Variants in TARBP1 observed in about 807,000 individuals in gnomAD.
TARBP1 encodes the protein tRNA (guanosine(18)-2'-O)-methyltransferase TARBP1.
Under a neutral mutation model 178.6 loss-of-function variants are expected in TARBP1, and 144 were observed. The ratio of observed to expected loss-of-function variants is 0.81; its 90% CI spans 0.70 to 0.93. The LOEUF (loss-of-function observed/expected upper bound fraction) is 0.93. TARBP1 is among the 40% of genes least tolerant of loss of function. The pLI is 0.00. For synonymous variants in TARBP1, 787 were observed against 781.0 expected, an observed-to-expected ratio of 1.01 and a Z score of -0.13; for missense variants, 2,067 against 2,011.7, an observed-to-expected ratio of 1.03 and a Z score of -0.53.
Position 234,410,082 on chromosome 1 carries a change from G to A in TARBP1, c.3792+363C>T, listed in dbSNP as rs538857863. On this transcript the variant is annotated intron_variant, in intron 23 of 29. Coordinates refer to ENST00000040877, the MANE Select transcript of TARBP1 (RefSeq NM_005646.4). ...CATAAGTTTCTTTGCACGAGCATTT[G>A]TTAAATAACTACCATTCAGTCAAAG... 1.1e-4 allele frequency among the ~76,000 whole-genome samples: 16 copies of A among 152,268 alleles called. 1 individual carries two copies. In the South Asian group the frequency reaches 3.1e-3, roughly 30 times the overall value.
intron 17 of TARBP1, 68 bp from the exon 18 acceptor site, chr1:234,427,834 T>C: frequency 2.6e-6 from 3 of 1,146,862 alleles, no homozygotes; most frequent in Non-Finnish European, 3.5e-6. Flanking sequence ...TGCTAAAAAC[T>C]GTTACTTAGT....
intron 1 of TARBP1, among the ~76,000 whole-genome samples, chr1:234,476,684 A>G (rs1669598976): frequency 6.6e-6 from 1 of 152,246 alleles, no homozygotes; most frequent in South Asian, 2.1e-4. Flanking sequence ...AGCAGCATTT[A>G]CAGTCATAAT....
chr1:234,392,362 C>A (rs1449423066), intron 29 of TARBP1, 54 bp downstream of exon 29: 13 of 1,581,714 alleles, frequency 8.2e-6, no homozygotes, highest in Admixed American at 1.9e-5. Flanking sequence ...AAGGTAACAT[C>A]TTCCAGTAGT....
intron 26 of TARBP1, among the ~76,000 whole-genome samples, chr1:234,395,947 G>A (rs1008851610): frequency 1.3e-5 from 2 of 152,130 alleles, no homozygotes; most frequent in African/African-American, 2.4e-5. Context: ...AAACGTGAGA[G>A]GTGACAGATA....
At position 234,465,703 on chromosome 1, in the gene TARBP1, A is replaced by G. The variant is rs1668362136; in HGVS notation, c.1254T>C (p.Ile418=). 1 of 1,536,038 alleles carries G rather than the reference A, an allele frequency of 6.5e-7. No individual in the cohort carries two copies. Among genetic ancestry groups the G allele is most frequent in the Admixed American group, 2.2e-5 (1 of 44,836 alleles). The change falls in exon 5 of 30, where the codon ATT becomes ATC. Residue 418 remains isoleucine, a synonymous_variant. Transcript: ENST00000040877. ...LPFSPEFSEF[I]IGPLMDALSE... is the part of the protein sequence containing the mutation. ...AAAGCGCATCCATTAATGGTCCAATAATAAACTAAAAAAAAAAAAAAAAAA... is the reference window on the plus strand; with the variant it reads ...AAAGCGCATCCATTAATGGTCCAATGATAAACTAAAAAAAAAAAAAAAAAA...
chr1:234,447,780 G>GTTT (rs1381517534), intron 11 of TARBP1, among the ~76,000 whole-genome samples: 2 of 146,926 alleles, frequency 1.4e-5, no homozygotes, highest in Non-Finnish European at 3.0e-5. Context: ...ATAAATGAGT[G>GTTT]TTTTATCTTT....
rs779776004 is a variant in TARBP1, at chr1:234,433,480, G to C, written c.2324C>G (p.Pro775Arg). Residue 775 changes from proline to arginine, a missense_variant, in exon 14 of 30, where the codon CCT (proline) becomes CGT (arginine). By Grantham distance (103) the Pro-to-Arg change is moderately radical (BLOSUM62 -2). Transcript: ENST00000040877. ...CAAAAGAGAAATAACTCTCCAGATA[G>C]GGTTACCCCTTTTCCACCCAACCTT... ...HLKVGWKRGN[P>R]IWRVISLLKN... 4 of 1,614,080 alleles carry C rather than the reference G, an allele frequency of 2.5e-6. No homozygotes were observed. In the South Asian group the frequency reaches 3.3e-5, roughly 13 times the overall value.
chr1:234,427,064 A>G (rs1444901182), intron 19 of TARBP1, among the ~76,000 whole-genome samples: 1 of 152,196 alleles, frequency 6.6e-6, no homozygotes, highest in Non-Finnish European at 1.5e-5. Context: ...CTCCATAGTC[A>G]TTTCCTTGTT....
intron 23 of TARBP1, 190 bp from the exon 24 acceptor site, chr1:234,406,289 A>C: frequency 1.7e-6 from 1 of 574,258 alleles, no homozygotes. Flanking sequence ...CAATTTACTC[A>C]AGGAAAAACA....
chr1:234,427,844 T>C, intron 17 of TARBP1, 78 bp from the exon 18 acceptor site: 1 of 1,045,606 alleles, frequency 9.6e-7, no homozygotes, highest in Non-Finnish European at 1.3e-6. Context: ...TGTTACTTAG[T>C]TTCAACATAA....
At chr1:234,440,285 C>T (rs1665455751) in intron 12 of TARBP1, among the ~76,000 whole-genome samples, 1 of 150,556 alleles carries the variant, frequency 6.6e-6, no homozygotes, top group African/African-American at 2.4e-5. Flanking sequence ...TCTGCCTTAA[C>T]ACTAAAAGGA....
chr1:234,467,353 C>T, intron 4 of TARBP1, 149 bp downstream of exon 4: 3 of 771,472 alleles, frequency 3.9e-6, no homozygotes, highest in South Asian at 3.1e-5. Flanking sequence ...ACAACATAAG[C>T]TTTTTCCAAA....
rs375234245 is a variant in TARBP1 at position 234,393,435 on chromosome 1, C to T, written c.4487G>A (p.Ser1496Asn). The T allele has an allele frequency of 1.2e-6, 2 of 1,610,592 alleles. No individual in the cohort carries two copies. Among genetic ancestry groups the T allele is most frequent in the Non-Finnish European group, 1.7e-6 (2 of 1,177,924 alleles). ...CTGTTTGTCGCTGATACACTGAAGGCTGCCAACAACGAGCACTGAAGCCCC... is the reference window on the plus strand; with the variant it reads ...CTGTTTGTCGCTGATACACTGAAGGTTGCCAACAACGAGCACTGAAGCCCC... ...VFGASVLVVG[S>N]LQCISDKQFQ... The change falls in exon 28 of 30, where the codon AGC (serine) becomes AAC (asparagine). Residue 1496 changes from serine to asparagine, a missense_variant. Coordinates refer to ENST00000040877, the MANE Select transcript of TARBP1 (RefSeq NM_005646.4).
At chr1:234,398,662 C>T (rs1660386498) in intron 25 of TARBP1, 109 bp from the exon 26 acceptor site, 1 of 814,190 alleles carries the variant, frequency 1.2e-6, no homozygotes, top group African/African-American at 1.7e-5. Context: ...CAAACTATTA[C>T]ATCTGATCAA....
At chr1:234,414,910 G>T (rs899416132) in intron 22 of TARBP1, among the ~76,000 whole-genome samples, 2 of 152,112 alleles carry the variant, frequency 1.3e-5, no homozygotes, top group Non-Finnish European at 2.9e-5. Context: ...CTTAAAGCTG[G>T]GAGGCGGAGG....
chr1:234,391,866 A>T, intron 29 of TARBP1, 121 bp from the exon 30 acceptor site: 5 of 1,052,314 alleles, frequency 4.8e-6, no homozygotes, highest in African/African-American at 1.6e-5. Flanking sequence ...ATGTTACTAA[A>T]AGAAACATTA....
chr1:234,459,535 G>A (rs1177942566), intron 7 of TARBP1, among the ~76,000 whole-genome samples: 1 of 152,106 alleles, frequency 6.6e-6, no homozygotes, highest in Non-Finnish European at 1.5e-5. Flanking sequence ...CTATAGGCCG[G>A]GCGCAGTGGC....
At position 234,478,861 on chromosome 1, in the gene TARBP1, C is replaced by T. The variant is rs188658832; in HGVS notation, c.243G>A (p.Ala81=). Residue 81 remains alanine (A), a synonymous_variant, in exon 1 of 30, where the codon GCG becomes GCA. Coordinates refer to ENST00000040877, the MANE Select transcript of TARBP1 (RefSeq NM_005646.4). ...GCTGCAGACTGGGGTCCGGGCCGCC[C>T]GCGGGGCGTCCGCGCAGGCTCCGCA... ...PLLRSLRGRP[A]GGPDPSLQPR... 2.9e-3 allele frequency: 3,760 copies of T among 1,277,960 alleles called. 82 individuals carry two copies. The African/African-American group carries it at 0.05, about 17-fold the overall frequency. The allele number at this position is 1,277,960 out of a possible 1,614,324, so 79.2% of individuals were successfully genotyped here. A position where few individuals can be genotyped will look rare whatever the true frequency, so the allele number is the denominator to read the frequency against.
rs369500975 is a variant in TARBP1 at position 234,479,131 on chromosome 1, G to T, written c.-28C>A. On this transcript the variant is annotated 5_prime_UTR_variant, in exon 1 of 30. Transcript: ENST00000040877. ...GCCGAGCGCCCGCGCCACCGGCCCG[G>T]GCTCCCAAAGGAAGGCGCCGGCGTG... 1.3e-6 allele frequency: 2 copies of T among 1,505,520 alleles called. No homozygotes were observed. The highest frequency in any genetic ancestry group is 2.9e-5 in the African/African-American group (2 of 68,934). 93.3% of individuals were successfully genotyped at this position (1,505,520 alleles called of 1,614,324 possible). A position where few individuals can be genotyped will look rare whatever the true frequency, so the allele number is the denominator to read the frequency against.
Sources: gnomAD v4.1 joint callset for allele counts (sites outside exome capture counted in the v4.1 genomes callset) on GRCh38, gnomAD v4.1.1 for gene constraint, MANE v1.5 for transcripts, NCBI Gene and HGNC (gene_info 2026-07-23, HGNC 2026-07-21) for gene names.